STX1B: variants seen among roughly 807,000 people sequenced by gnomAD.
STX1B encodes the protein syntaxin-1B.
STX1B carries 7 observed loss-of-function variants against 39.4 expected under a neutral mutation model. That is an observed-to-expected ratio of 0.18 (90% CI 0.10 to 0.33). The LOEUF (loss-of-function observed/expected upper bound fraction) is 0.33, where lower values mean the gene tolerates loss of function less well. Ranked by LOEUF, STX1B falls within the 10% of genes least tolerant of loss-of-function variation. STX1B has a pLI of 1.00. For synonymous variants in STX1B, 136 were observed against 144.1 expected, an observed-to-expected ratio of 0.94 and a Z score of 0.40; for missense variants, 198 against 383.2, an observed-to-expected ratio of 0.52 and a Z score of 4.04.
chr16:30,994,412 T>C (rs977379594), intron 7 of STX1B, among the ~76,000 whole-genome samples: 2 of 137,374 alleles, frequency 1.5e-5, no homozygotes, highest in Non-Finnish European at 3.1e-5. Flanking sequence ...AGTGAGACTT[T>C]GTTTCTATCA....
At chr16:30,994,227 GC>G (rs1399582322) in intron 7 of STX1B, among the ~76,000 whole-genome samples, 5 of 151,266 alleles carry the variant, frequency 3.3e-5, no homozygotes, top group Admixed American at 2.6e-4. Flanking sequence ...GGGAGGCGGA[GC>G]TTGCAGTGAG....
intron 1 of STX1B, among the ~76,000 whole-genome samples, chr16:31,009,442 C>T (rs926426668): frequency 5.9e-5 from 9 of 152,038 alleles, no homozygotes; most frequent in Admixed American, 2.0e-4. Context: ...TAACATAACA[C>T]CACCAGCCCA....
At position 30,997,006 on chromosome 16, in the gene STX1B, G is replaced by C. The variant is rs889628309; in HGVS notation, c.408C>G (p.Thr136=). 11 of 1,613,546 alleles carry C rather than the reference G, an allele frequency of 6.8e-6. No individual in the cohort carries two copies. Among genetic ancestry groups the C allele is most frequent in the Middle Eastern group, 1.6e-4 (1 of 6,078 alleles). ...FVEVMTEYNA[T]QSKYRDRCKD... is the part of the protein sequence containing the mutation. Reference sequence around the variant, plus strand: ...TGCAGCGGTCCCGGTACTTGGACTGGGTCGCGTTATATTCGGTCATTACCT... The same window carrying C: ...TGCAGCGGTCCCGGTACTTGGACTGCGTCGCGTTATATTCGGTCATTACCT... Residue 136 remains threonine, a synonymous_variant, in exon 6 of 10, where the codon ACC becomes ACG. Transcript: ENST00000215095.
At chr16:31,004,826 G>A (rs1307739594) in intron 1 of STX1B, among the ~76,000 whole-genome samples, 2 of 152,172 alleles carry the variant, frequency 1.3e-5, no homozygotes, top group African/African-American at 4.8e-5. Flanking sequence ...GGCTCAGAGA[G>A]GTTGCCTGAC....
chr16:31,001,565 C>G lies in STX1B; in HGVS notation c.69G>C (p.Val23=). 1.2e-6 allele frequency: 2 copies of G among 1,613,370 alleles called. No individual in the cohort carries two copies. The highest frequency in any genetic ancestry group is 1.7e-6 in the Non-Finnish European group (2 of 1,179,896). Residue 23 remains valine (V), a synonymous_variant, in exon 2 of 10, where the codon GTG becomes GTC. Transcript: ENST00000215095. The surrounding 1 kb of genome is among the most constrained non-coding windows in gnomAD (Gnocchi z 5.5). Reference sequence around the variant, plus strand: ...ACTCATCCATGAAGTGGTCCCGATCCACGTGGACCACCTCCTCTTCATCAT... The same window carrying G: ...ACTCATCCATGAAGTGGTCCCGATCGACGTGGACCACCTCCTCTTCATCAT... ...DSDDEEEVVH[V]DRDHFMDEFF...
rs117106665 is a variant in STX1B, at chr16:31,002,430, T to C, written c.31-827A>G. Among the ~76,000 whole-genome samples the C allele has an allele frequency of 1.9e-4, 28 of 150,386 alleles. No homozygotes were observed. The East Asian group carries it at 4.4e-3, about 24-fold the overall frequency. ...AGCTGACACCCAAGGCACACAGGAA[T>C]AGGCCCCCCCGACACCCACACGGAG... is the stretch of plus-strand genomic sequence containing the variant. On this transcript the variant is annotated intron_variant, in intron 1 of 9. Coordinates refer to ENST00000215095, the MANE Select transcript of STX1B (RefSeq NM_052874.5).
intron 4 of STX1B, 45 bp from the exon 5 acceptor site, chr16:30,997,620 A>G (rs1227775169): frequency 6.4e-7 from 1 of 1,556,404 alleles, no homozygotes; most frequent in East Asian, 2.3e-5. Context: ...CCCGGGGCAC[A>G]TGGGGCGAGG....
chr16:31,008,555 G>A lies in STX1B; in HGVS notation c.30+1812C>T, dbSNP rs369973858. Among the ~76,000 whole-genome samples, 23 of 152,224 alleles carry A rather than the reference G, an allele frequency of 1.5e-4. No homozygotes were observed. In the East Asian group the frequency reaches 4.1e-3, roughly 27 times the overall value. On this transcript the variant is annotated intron_variant, in intron 1 of 9. Coordinates refer to ENST00000215095, the MANE Select transcript of STX1B (RefSeq NM_052874.5). Reference sequence around the variant, plus strand: ...TAGCAGGGGAACTGGGTTCAAGTCCGGATCCCTCACCTGCTAGCTGTGTGA... The same window carrying A: ...TAGCAGGGGAACTGGGTTCAAGTCCAGATCCCTCACCTGCTAGCTGTGTGA...
At chr16:31,006,207 G>T (rs562042124) in intron 1 of STX1B, among the ~76,000 whole-genome samples, 3 of 152,054 alleles carry the variant, frequency 2.0e-5, no homozygotes, top group African/African-American at 7.2e-5. Flanking sequence ...TCGTTTGATC[G>T]GAGGCAGCAG....
At position 30,996,936 on chromosome 16, in the gene STX1B, G is replaced by A; in HGVS notation, c.463+15C>T. On this transcript the variant is annotated intron_variant, in intron 6 of 9. Transcript: ENST00000215095. ...CTCAAGGAGTTCGGGGTCCTGGGGT[G>A]GGGGGCACACGCACTGATCTCCAGT... is the stretch of plus-strand genomic sequence containing the variant. 6.2e-7 allele frequency: 1 copy of A among 1,604,828 alleles called. No homozygotes were observed. The highest frequency in any genetic ancestry group is 8.5e-7 in the Non-Finnish European group (1 of 1,173,890).
In STX1B at chr16:30,994,421, C is replaced by CAA. The variant is rs543652303; in HGVS notation, c.538-939_538-938dup. Among the ~76,000 whole-genome samples the CAA allele has an allele frequency of 5.6e-3, 621 of 111,324 alleles. 7 individuals carry two copies. Among genetic ancestry groups the CAA allele is most frequent in the Non-Finnish European group, 6.3e-3 (359 of 56,982 alleles). 73.0% of individuals were successfully genotyped at this position (111,324 alleles called of 152,430 possible). A position where few individuals can be genotyped will look rare whatever the true frequency, so the allele number is the denominator to read the frequency against. The stretch of plus-strand genomic sequence containing the variant: ...CAACATAGTGAGACTTTGTTTCTAT[C>CAA]AAAAAAAAAAAAAAAAAAGGAAATT... On this transcript the variant is annotated intron_variant, in intron 7 of 9. Transcript: ENST00000215095.
chr16:30,994,030 T>A (rs1028805439), intron 7 of STX1B, among the ~76,000 whole-genome samples: 2 of 150,032 alleles, frequency 1.3e-5, no homozygotes, highest in Admixed American at 1.3e-4. Flanking sequence ...AGGTAGCTCA[T>A]GCCTGTAATC....
chr16:30,994,685 A>C (rs1054588698), intron 7 of STX1B, among the ~76,000 whole-genome samples: 1 of 151,104 alleles, frequency 6.6e-6, no homozygotes, highest in African/African-American at 2.4e-5. Context: ...CAGGTGACTC[A>C]CTTCCCAAAT....
intron 1 of STX1B, among the ~76,000 whole-genome samples, chr16:31,007,655 GT>G (rs1003393237): frequency 1.3e-5 from 2 of 152,114 alleles, no homozygotes; most frequent in Non-Finnish European, 1.5e-5. Context: ...GACAAGTCAG[GT>G]TTTTTTTACC....
intron 7 of STX1B, among the ~76,000 whole-genome samples, chr16:30,996,029 T>C (rs2056589874): frequency 6.6e-6 from 1 of 151,568 alleles, no homozygotes; most frequent in South Asian, 2.1e-4. Flanking sequence ...AAAAGGTTTT[T>C]TTAGGCCGAG....
chr16:31,000,341 T>G (rs2056620099), intron 4 of STX1B, among the ~76,000 whole-genome samples: 1 of 150,860 alleles, frequency 6.6e-6, no homozygotes, highest in African/African-American at 2.4e-5. Context: ...TGTTTTTTTT[T>G]TTTTTGTTTG....
chr16:30,995,035 C>T (rs924685529), intron 7 of STX1B, among the ~76,000 whole-genome samples: 1 of 151,682 alleles, frequency 6.6e-6, no homozygotes, highest in Non-Finnish European at 1.5e-5. Context: ...CCTTAGCCTC[C>T]CGAGTAGCTG....
intron 5 of STX1B, among the ~76,000 whole-genome samples, 199 bp from the exon 6 acceptor site, chr16:30,997,258 G>A (rs988534241): frequency 1.3e-5 from 2 of 152,224 alleles, no homozygotes; most frequent in South Asian, 2.1e-4. Context: ...CTACCCGCCC[G>A]GCACCCCCAT....
chr16:31,000,000 C>CTTT (rs957640442), intron 4 of STX1B, among the ~76,000 whole-genome samples: 1 of 140,740 alleles, frequency 7.1e-6, no homozygotes, highest in Non-Finnish European at 1.6e-5. Flanking sequence ...TGGCAAAGTT[C>CTTT]TTTTTTTTTT....
Sources: allele counts gnomAD v4.1 joint callset (sites outside exome capture counted in the v4.1 genomes callset), GRCh38; gene constraint gnomAD v4.1.1; non-coding constraint Gnocchi (gnomAD v3.1); transcripts MANE v1.5; gene names NCBI Gene and HGNC (gene_info 2026-07-23, HGNC 2026-07-21).